The following FECH variants were observed in gnomAD, a reference collection of about 807,000 sequenced individuals.
FECH encodes the protein ferrochelatase, also known as ferrochelatase, mitochondrial.
Under a neutral mutation model 56.9 loss-of-function variants are expected in FECH, and 40 were observed. The observed-to-expected ratio is 0.70, with a 90% CI of 0.55 to 0.92. The LOEUF is 0.92. Ranked by LOEUF, FECH falls within the 40% of genes least tolerant of loss-of-function variation. The pLI, the probability that FECH is intolerant of heterozygous loss-of-function variation, is 0.00. For synonymous variants in FECH, 175 were observed against 198.6 expected, an observed-to-expected ratio of 0.88 and a Z score of 1.00; for missense variants, 431 against 529.1, an observed-to-expected ratio of 0.81 and a Z score of 1.82.
rs1344030023 is a variant in FECH at position 57,554,721 on chromosome 18, T to C, written c.912+124A>G. 3.7e-6 allele frequency: 3 copies of C among 813,990 alleles called. No individual in the cohort carries two copies. In the African/African-American group the frequency reaches 5.1e-5, roughly 14 times the overall value. 50.4% of individuals were successfully genotyped at this position (813,990 alleles called of 1,614,324 possible). On this transcript the variant is annotated intron_variant, in intron 8 of 10. Transcript: ENST00000262093. Reference sequence around the variant, plus strand: ...TCGCTTGCAGAGTTCTTTCTGCCCATGGTGAGCAATCAGGTTATGGAAGAG... The same window carrying C: ...TCGCTTGCAGAGTTCTTTCTGCCCACGGTGAGCAATCAGGTTATGGAAGAG...
chr18:57,553,229 A>ATTTTTTTTTTTTTTTTTTTTTTTTTT, intron 9 of FECH, among the ~76,000 whole-genome samples: 1 of 151,988 alleles, frequency 6.6e-6, no homozygotes, highest in Non-Finnish European at 1.5e-5. Context: ...TGCTGCAACC[A>ATTTTTTTTTTTTTTTTTTTTTTTTTT]TTTCTTAGCC....
intron 2 of FECH, among the ~76,000 whole-genome samples, chr18:57,575,792 AG>A (rs11317196): frequency 0.25 from 38,719 of 152,158 alleles, 5,471 homozygotes; most frequent in African/African-American, 0.35. Context: ...GTAAGGCAGC[AG>A]GGTATGTCAA....
chr18:57,551,203 A>T, intron 10 of FECH, 112 bp downstream of exon 10: 2 of 810,760 alleles, frequency 2.5e-6, no homozygotes, highest in Non-Finnish European at 4.1e-6. Context: ...TTTTGTAATT[A>T]ATTGGAACTC....
At position 57,551,381 on chromosome 18, in the gene FECH, C is replaced by A; in HGVS notation, c.1078-7G>T. On this transcript the variant is annotated splice_region_variant and splice_polypyrimidine_tract_variant and intron_variant, in intron 9 of 10. Transcript: ENST00000262093. ...TGATGTTTTCAACTCCACACTGAATCAAATGAGAAAAGGGAGGAAAAACAC... is the reference window on the plus strand; with the variant it reads ...TGATGTTTTCAACTCCACACTGAATAAAATGAGAAAAGGGAGGAAAAACAC... 6.2e-7 allele frequency: 1 copy of A among 1,610,062 alleles called. No homozygotes were observed. The highest frequency in any genetic ancestry group is 1.1e-5 in the South Asian group (1 of 90,910).
intron 7 of FECH, among the ~76,000 whole-genome samples, chr18:57,556,774 G>T (rs577116460): frequency 6.6e-6 from 1 of 152,014 alleles, no homozygotes; most frequent in Non-Finnish European, 1.5e-5. Context: ...AGCTGGGTGT[G>T]GTGGTGTGCA....
chr18:57,576,657 G>T (rs1435534590), intron 2 of FECH, among the ~76,000 whole-genome samples: 1 of 152,206 alleles, frequency 6.6e-6, no homozygotes, highest in Admixed American at 6.5e-5. Context: ...GCTTTAAAGG[G>T]GATGCTACTC....
intron 7 of FECH, among the ~76,000 whole-genome samples, chr18:57,557,203 T>C (rs566587703): frequency 2.5e-4 from 38 of 152,350 alleles, no homozygotes; most frequent in African/African-American, 9.1e-4. Flanking sequence ...GTATATGTAC[T>C]CTTTTAACTC....
chr18:57,577,152 A>G (rs1285066411), intron 2 of FECH, among the ~76,000 whole-genome samples: 2 of 152,046 alleles, frequency 1.3e-5, no homozygotes, highest in African/African-American at 4.8e-5. Flanking sequence ...TCTTCATTAA[A>G]CCTCTAAGAC....
intron 1 of FECH, among the ~76,000 whole-genome samples, chr18:57,584,315 G>C (rs2051332410): frequency 1.8e-5 from 2 of 111,424 alleles, no homozygotes; most frequent in African/African-American, 3.5e-5. Flanking sequence ...AACAGAGTGA[G>C]ACTCGGTCTC....
Position 57,554,420 on chromosome 18 carries a change from C to A in FECH, c.917G>T (p.Gly306Val). The A allele has an allele frequency of 6.2e-7, 1 of 1,614,198 alleles. No homozygotes were observed. The highest frequency in any genetic ancestry group is 8.5e-7 in the Non-Finnish European group (1 of 1,180,020). The change falls in exon 9 of 11, where the codon GGT (glycine) becomes GTT (valine). Residue 306 changes from glycine (G) to valine (V), a missense_variant. Gly to Val is a moderately radical substitution (Grantham distance 109, BLOSUM62 -3). Transcript: ENST00000262093. The part of the protein sequence containing the change: ...PYRLVWQSKV[G>V]PMPWLGPQTD... ...TTGAGGACCCAACCAGGGCATTGGA[C>A]CAACCTATGCGAAAGATAGACGAAT...
intron 6 of FECH, among the ~76,000 whole-genome samples, chr18:57,560,720 T>A (rs542948206): frequency 3.3e-5 from 5 of 152,314 alleles, no homozygotes; most frequent in African/African-American, 1.2e-4. Context: ...CTTAATCTTG[T>A]AACTTTTCTG....
At position 57,545,490 on chromosome 18, in the gene FECH, C is replaced by T. The variant is rs1351719089; in HGVS notation, c.*5222G>A. On this transcript the variant is annotated 3_prime_UTR_variant, in exon 11 of 11. Transcript: ENST00000262093. ...AAAGCAAAAGCATTTCTTTCTCTCACGGGACCCCAGAATAGGAGGAATGTG... is the reference window on the plus strand; with the variant it reads ...AAAGCAAAAGCATTTCTTTCTCTCATGGGACCCCAGAATAGGAGGAATGTG... Among the ~76,000 whole-genome samples, 2 of 152,148 alleles carry T rather than the reference C, an allele frequency of 1.3e-5. No homozygotes were observed. The highest frequency in any genetic ancestry group is 2.9e-5 in the Non-Finnish European group (2 of 68,034).
At chr18:57,554,984 T>C (rs763613263) in intron 7 of FECH, 32 bp from the exon 8 acceptor site, 84 of 1,570,200 alleles carry the variant, frequency 5.3e-5, no homozygotes, top group Non-Finnish European at 6.9e-5. Context: ...TGTTCAGCCA[T>C]TAACACTGGG....
Position 57,584,037 on chromosome 18 carries a change from G to A in FECH, c.67+2517C>T, listed in dbSNP as rs745941169. 2.4e-4 allele frequency among the ~76,000 whole-genome samples: 37 copies of A among 152,090 alleles called. 1 individual carries two copies. Among genetic ancestry groups the A allele is most frequent in the Middle Eastern group, 3.4e-3 (1 of 294 alleles). On this transcript the variant is annotated intron_variant, in intron 1 of 10. Coordinates refer to ENST00000262093, the MANE Select transcript of FECH (RefSeq NM_000140.5). Reference sequence around the variant, plus strand: ...TACTAAAAACACAAAAAAATTAGCCGGGTGTGGTGGCACCTGCCTGTAGTC... The same window carrying A: ...TACTAAAAACACAAAAAAATTAGCCAGGTGTGGTGGCACCTGCCTGTAGTC...
Position 57,546,853 on chromosome 18 carries a change from C to T in FECH, c.*3859G>A, listed in dbSNP as rs768190358. On this transcript the variant is annotated 3_prime_UTR_variant, in exon 11 of 11. Transcript: ENST00000262093. The stretch of plus-strand genomic sequence containing the variant: ...ACACGCCTGAGTAGCCCAGCTACTC[C>T]GGAGGCTGAGGCAGGATGATCCTTT... Among the ~76,000 whole-genome samples the T allele has an allele frequency of 1.7e-4, 26 of 150,732 alleles. No homozygotes were observed. The highest frequency in any genetic ancestry group is 4.6e-4 in the Admixed American group (7 of 15,080).
chr18:57,583,858 G>C (rs1271442152), intron 1 of FECH, among the ~76,000 whole-genome samples: 1 of 151,748 alleles, frequency 6.6e-6, no homozygotes, highest in African/African-American at 2.4e-5. Flanking sequence ...CAAACCGACA[G>C]ATAAGCAGCA....
In FECH at chr18:57,582,432, C is replaced by T. The variant is rs1036980825; in HGVS notation, c.68-2233G>A. ...AGCATTCAGGATAAGGGGTACTCAA[C>T]CTGTAATAAAATGACATTTCCTCCT... On this transcript the variant is annotated intron_variant, in intron 1 of 10. Transcript: ENST00000262093. Among the ~76,000 whole-genome samples, 6 of 152,138 alleles carry T rather than the reference C, an allele frequency of 3.9e-5. No individual in the cohort carries two copies. The East Asian group carries it at 9.7e-4, about 25-fold the overall frequency.
chr18:57,577,347 T>C (rs1342784341), intron 2 of FECH, among the ~76,000 whole-genome samples: 2 of 152,104 alleles, frequency 1.3e-5, no homozygotes, highest in East Asian at 3.8e-4. Context: ...AACAGCGGAG[T>C]TGAATAGCAG....
At chr18:57,582,424 G>A (rs1410091477) in intron 1 of FECH, among the ~76,000 whole-genome samples, 1 of 152,000 alleles carries the variant, frequency 6.6e-6, no homozygotes, top group African/African-American at 2.4e-5. Flanking sequence ...AGGATAAGGG[G>A]TACTCAACCT....
Sources: gnomAD v4.1 joint callset for allele counts (sites outside exome capture counted in the v4.1 genomes callset) on GRCh38, gnomAD v4.1.1 for gene constraint, MANE v1.5 for transcripts, NCBI Gene and HGNC (gene_info 2026-07-23, HGNC 2026-07-21) for gene names.